OR3A2: variants seen among roughly 807,000 people sequenced by gnomAD.
The protein encoded by OR3A2 is olfactory receptor family 3 subfamily A member 2.
For synonymous variants in OR3A2, 126 were observed against 159.3 expected (o/e 0.79, Z 1.57); for missense variants, 318 against 392.8 (o/e 0.81, Z 1.61).
chr17:3,341,900 C>T (rs1161301694), intron 2 of OR3A2, among the ~76,000 whole-genome samples: 2 of 152,190 alleles, frequency 1.3e-5, no homozygotes, highest in African/African-American at 4.8e-5. Context: ...TTCAGGTACA[C>T]CAATCAAATG....
intron 1 of OR3A2, 182 bp downstream of exon 1, chr17:3,385,943 A>G (rs968935438): frequency 5.0e-6 from 2 of 398,464 alleles, no homozygotes; most frequent in Admixed American, 4.4e-5. Flanking sequence ...GCTCCGACCA[A>G]CCTCACATCT....
chr17:3,281,513 C>T (rs1038343437), intron 1 of OR3A2, among the ~76,000 whole-genome samples: 2 of 152,114 alleles, frequency 1.3e-5, no homozygotes, highest in African/African-American at 4.8e-5. Flanking sequence ...GGATTACAGA[C>T]GTGAGGCACC....
At position 3,322,105 on chromosome 17, in the gene OR3A2, A is replaced by G. The variant is rs1318138684; in HGVS notation, c.-85+13928T>C. Reference sequence around the variant, plus strand: ...TTCTTCCTGGTTTAGTCTTGGGAGGATGTACGTGTCGAGAAATTTATCCAT... The same window carrying G: ...TTCTTCCTGGTTTAGTCTTGGGAGGGTGTACGTGTCGAGAAATTTATCCAT... On this transcript the variant is annotated intron_variant, in intron 3 of 4. Coordinates refer to the OR3A2 transcript ENST00000573491. Among the ~76,000 whole-genome samples, 9 of 152,020 alleles carry G rather than the reference A, an allele frequency of 5.9e-5. No homozygotes were observed. In the East Asian group the frequency reaches 9.7e-4, roughly 16 times the overall value.
chr17:3,372,733 AG>A (rs1205442665), intron 2 of OR3A2, among the ~76,000 whole-genome samples: 5 of 151,832 alleles, frequency 3.3e-5, no homozygotes, highest in African/African-American at 1.2e-4. Flanking sequence ...CTGAGGCAGG[AG>A]AATCAGGCAG....
chr17:3,281,057 A>G (rs1372335311), intron 1 of OR3A2, among the ~76,000 whole-genome samples: 3 of 152,136 alleles, frequency 2.0e-5, no homozygotes, highest in Non-Finnish European at 2.9e-5. Flanking sequence ...TCTGGTGAGC[A>G]CTGACTAGGG....
intron 3 of OR3A2, chr17:3,310,887 T>G (rs231678): frequency 0.4 from 373,240 of 924,348 alleles, 78,855 homozygotes; most frequent in Admixed American, 0.59. Context: ...GCTCTCCTGC[T>G]CCAGTGTTCA....
intron 3 of OR3A2, among the ~76,000 whole-genome samples, chr17:3,334,772 GT>G (rs1474207308): frequency 6.6e-6 from 1 of 152,188 alleles, no homozygotes; most frequent in African/African-American, 2.4e-5. Context: ...ATTTATTCAA[GT>G]GTTATTTCTA....
rs369802905 is a variant in OR3A2, at chr17:3,334,166, A to G, written c.-85+1867T>C. On this transcript the variant is annotated intron_variant, in intron 3 of 4. Coordinates refer to the OR3A2 transcript ENST00000573491. ...TTTTACATTGTTAGTGGGAGTGTAA[A>G]TTAGTTCAACTACTGTGGAAGACAG... Among the ~76,000 whole-genome samples the G allele has an allele frequency of 5.3e-5, 8 of 152,196 alleles. No individual in the cohort carries two copies. The East Asian group carries it at 9.6e-4, about 18-fold the overall frequency.
intron 2 of OR3A2, among the ~76,000 whole-genome samples, chr17:3,354,601 G>A (rs1466863330): frequency 6.6e-6 from 1 of 151,220 alleles, no homozygotes; most frequent in Non-Finnish European, 1.5e-5. Flanking sequence ...GGTATCAGTA[G>A]CAATGAGTCT....
chr17:3,355,567 T>C (rs1215009651), intron 2 of OR3A2, among the ~76,000 whole-genome samples: 1 of 151,474 alleles, frequency 6.6e-6, no homozygotes, highest in South Asian at 2.1e-4. Context: ...TTTACCATTA[T>C]ATAATGCCCT....
chr17:3,290,888 G>C (rs1434649365), intron 3 of OR3A2: 2 of 152,192 alleles, frequency 1.3e-5, no homozygotes, highest in African/African-American at 4.8e-5. Context: ...ATAATGCTTA[G>C]ATTATAAATT....
chr17:3,291,466 T>TAA, intron 3 of OR3A2: 1 of 577,732 alleles, frequency 1.7e-6, no homozygotes, highest in Non-Finnish European at 3.0e-6. Context: ...TCATTGCTTA[T>TAA]AATTGGACAG....
intron 2 of OR3A2, among the ~76,000 whole-genome samples, chr17:3,343,864 T>C (rs1053779936): frequency 6.6e-6 from 1 of 152,154 alleles, no homozygotes; most frequent in African/African-American, 2.4e-5. Context: ...CCACCCCCTT[T>C]GCCTCATTAT....
At chr17:3,377,857 G>A (rs1340856980) in intron 2 of OR3A2, among the ~76,000 whole-genome samples, 3 of 152,230 alleles carry the variant, frequency 2.0e-5, no homozygotes, top group Non-Finnish European at 4.4e-5. Context: ...ATGTAAACTA[G>A]TCTGACCATT....
At chr17:3,317,166 A>T (rs1234923998) in intron 3 of OR3A2, among the ~76,000 whole-genome samples, 1 of 152,186 alleles carries the variant, frequency 6.6e-6, no homozygotes, top group Non-Finnish European at 1.5e-5. Flanking sequence ...CAGCAGCTGG[A>T]GAGATGCCAG....
chr17:3,282,750 C>T (rs1410925254), intron 1 of OR3A2, among the ~76,000 whole-genome samples: 1 of 152,234 alleles, frequency 6.6e-6, no homozygotes, highest in African/African-American at 2.4e-5. Context: ...AGGGTGATAG[C>T]TCTTTACATA....
chr17:3,374,041 C>T (rs2049657479), intron 2 of OR3A2, among the ~76,000 whole-genome samples: 1 of 152,182 alleles, frequency 6.6e-6, no homozygotes, highest in Non-Finnish European at 1.5e-5. Context: ...AAGATTTTAT[C>T]TCCCCTTTGT....
intron 2 of OR3A2, among the ~76,000 whole-genome samples, chr17:3,357,324 C>T (rs1286088892): frequency 2.0e-5 from 3 of 151,756 alleles, no homozygotes; most frequent in African/African-American, 4.9e-5. Context: ...ATCACCTAAT[C>T]CTTGGTGCAA....
chr17:3,300,417 G>T (rs1246601354), intron 3 of OR3A2, among the ~76,000 whole-genome samples: 1 of 152,032 alleles, frequency 6.6e-6, no homozygotes, highest in South Asian at 2.1e-4. Context: ...AAATTAGCTG[G>T]GCATGGTGGC....
Sources: gnomAD v4.1 joint callset for allele counts (sites outside exome capture counted in the v4.1 genomes callset) on GRCh38, gnomAD v4.1.1 for gene constraint, MANE v1.5 for transcripts, NCBI Gene and HGNC (gene_info 2026-07-23, HGNC 2026-07-21) for gene names.